Variants in IL31RA observed in about 807,000 individuals in gnomAD.
The protein encoded by IL31RA is interleukin 31 receptor A.
A neutral mutation model predicts 83.7 loss-of-function variants in IL31RA; 66 were observed. The observed-to-expected ratio is 0.79, with a 90% CI of 0.65 to 0.97. The LOEUF is 0.97. Among genes scored for constraint, IL31RA ranks in the 50% least tolerant of loss-of-function variants. The pLI is 0.00. For missense variants in IL31RA, 798 were observed against 919.4 expected (o/e 0.87, Z 1.71); for synonymous variants, 325 against 329.0 (o/e 0.99, Z 0.13).
intron 2 of IL31RA, among the ~76,000 whole-genome samples, chr5:55,864,945 T>C (rs920703072): frequency 1.3e-5 from 2 of 152,126 alleles, no homozygotes; most frequent in African/African-American, 4.8e-5. Flanking sequence ...GCACTGCCCT[T>C]ATCTCTGAGC....
chr5:55,915,800 A>G (rs1749751629), intron 14 of IL31RA, among the ~76,000 whole-genome samples: 1 of 152,202 alleles, frequency 6.6e-6, no homozygotes. Context: ...GCTCTCTGAT[A>G]ACTAACATGC....
rs755255731 is a variant in IL31RA, at chr5:55,906,248, G to A, written c.1212G>A (p.Trp404Ter). The part of the protein sequence containing the change: ...DVDSEPTTLS[W>*]ESVSQATNWT... ...ACTCAGAGCCCACCACCCTTTCCTG[G>A]GAATCTGTGTCTCAGGCCACGAACT... is the stretch of plus-strand genomic sequence containing the variant. The change falls in exon 9 of 15, where the codon TGG becomes TGA. Residue 404 changes from tryptophan (W) to a stop codon, truncating the protein, a stop_gained. Transcript: ENST00000652347. LOFTEE classifies it high-confidence loss of function. 2 of 1,614,118 alleles carry A rather than the reference G, an allele frequency of 1.2e-6. No homozygotes were observed. The highest frequency in any genetic ancestry group is 2.2e-5 in the South Asian group (2 of 91,082).
chr5:55,881,251 G>A (rs962643426), intron 4 of IL31RA, among the ~76,000 whole-genome samples: 16 of 151,482 alleles, frequency 1.1e-4, no homozygotes, highest in African/African-American at 3.6e-4. Context: ...GCAGTGAGCC[G>A]AGATCGCGCC....
chr5:55,908,707 A>G, intron 11 of IL31RA: 1 of 1,459,972 alleles, frequency 6.8e-7, no homozygotes, highest in Non-Finnish European at 9.0e-7. Flanking sequence ...CTCCCCGACC[A>G]TCATTCCCAG....
rs1267832145 is a variant in IL31RA at position 55,900,017 on chromosome 5, C to G, written c.954C>G (p.Asn318Lys). The G allele has an allele frequency of 1.2e-6, 2 of 1,613,836 alleles. No homozygotes were observed. The highest frequency in any genetic ancestry group is 2.2e-5 in the East Asian group (1 of 44,884). Residue 318 changes from asparagine to lysine, a missense_variant, in exon 8 of 15, where the codon AAC becomes AAG. By Grantham distance (94) the Asn-to-Lys change is moderately conservative (BLOSUM62 0). Transcript: ENST00000652347. ...TCACAGAAACAATGAACACTACTAACCAGCAGCTTGAACTGCATCTGGGAG... is the reference window on the plus strand; with the variant it reads ...TCACAGAAACAATGAACACTACTAAGCAGCAGCTTGAACTGCATCTGGGAG... ...TNLTETMNTT[N>K]QQLELHLGGE...
Position 55,917,099 on chromosome 5 carries a change from G to C in IL31RA, c.2274G>C (p.Glu758Asp). Reference sequence around the variant, plus strand: ...TTCTTGTGTCTGAAAAACTTCCAGAGCACACCAAGGGAGAAGTCTAAATGC... The same window carrying C: ...TTCTTGTGTCTGAAAAACTTCCAGACCACACCAAGGGAGAAGTCTAAATGC... ...REFLVSEKLP[E>D]HTKGEV The change falls in exon 15 of 15, where the codon GAG (glutamate) becomes GAC (aspartate). Residue 758 changes from glutamate to aspartate, a missense_variant. Coordinates refer to ENST00000652347, the MANE Select transcript of IL31RA (RefSeq NM_139017.7). The C allele has an allele frequency of 6.2e-7, 1 of 1,614,166 alleles. No homozygotes were observed. Among genetic ancestry groups the C allele is most frequent in the Non-Finnish European group, 8.5e-7 (1 of 1,180,032 alleles).
intron 5 of IL31RA, among the ~76,000 whole-genome samples, chr5:55,888,058 A>G (rs1455540280): frequency 6.6e-6 from 1 of 152,036 alleles, no homozygotes; most frequent in Non-Finnish European, 1.5e-5. Context: ...AAAAAAACAA[A>G]AAACCACACA....
chr5:55,900,783 G>A (rs896466055), intron 8 of IL31RA, among the ~76,000 whole-genome samples: 5 of 151,976 alleles, frequency 3.3e-5, no homozygotes, highest in Admixed American at 6.6e-5. Flanking sequence ...TTCAAACTTA[G>A]TACTATCCCT....
the IL31RA span, chr5:55,839,911 C>T: frequency 4.3e-6 from 3 of 693,724 alleles, no homozygotes; most frequent in South Asian, 3.2e-5. Context: ...TACCTTGAGC[C>T]TTATTTTGAA....
intron 6 of IL31RA, among the ~76,000 whole-genome samples, chr5:55,895,627 G>C (rs568752818): frequency 1.8e-3 from 268 of 152,268 alleles, no homozygotes; most frequent in Middle Eastern, 3.4e-3. Flanking sequence ...CTGTGCTTTT[G>C]CTCTATTGGG....
In IL31RA at chr5:55,916,926, C is replaced by T. The variant is rs763422731; in HGVS notation, c.2101C>T (p.Gln701Ter). The T allele has an allele frequency of 2.5e-6, 4 of 1,614,016 alleles. No homozygotes were observed. The highest frequency in any genetic ancestry group is 3.4e-6 in the Non-Finnish European group (4 of 1,179,930). Residue 701 changes from glutamine to a stop codon, truncating the protein, a stop_gained, in exon 15 of 15, where the codon CAA becomes TAA. Transcript: ENST00000652347. LOFTEE classifies it low-confidence loss of function (END_TRUNC). The part of the protein sequence containing the change: ...VSPEIPPRKS[Q>*]YLRSRMPEGT... Reference sequence around the variant, plus strand: ...ACCTGAGATTCCGCCCAGAAAATCCCAATACCTACGTTCGAGGATGCCAGA... The same window carrying T: ...ACCTGAGATTCCGCCCAGAAAATCCTAATACCTACGTTCGAGGATGCCAGA...
chr5:55,852,484 A>G (rs894838222), intron 1 of IL31RA, among the ~76,000 whole-genome samples: 22 of 151,972 alleles, frequency 1.4e-4, no homozygotes, highest in Non-Finnish European at 2.9e-4. Flanking sequence ...AATTTTAAAT[A>G]TCTCATAATT....
At chr5:55,847,788 A>G (rs571662463), upstream of IL31RA, among the ~76,000 whole-genome samples, 74 of 152,282 alleles carry the variant, frequency 4.9e-4, no homozygotes, top group Non-Finnish European at 9.0e-4. Context: ...CCAGGATCCA[A>G]TGCAAGCTAC....
At chr5:55,847,242 TAAAAATAAATAAATAAATAAATA>T (rs1744951733), upstream of IL31RA, among the ~76,000 whole-genome samples, 27 of 115,096 alleles carry the variant, frequency 2.3e-4, 1 homozygote, top group Admixed American at 8.9e-4. Flanking sequence ...AAAAAAAAAA[TAAAAATAAATAAATAAATAAATA>T]AATAAATAAA....
chr5:55,850,959 G>A (rs115832760), upstream of IL31RA, among the ~76,000 whole-genome samples: 14 of 152,086 alleles, frequency 9.2e-5, no homozygotes, highest in Admixed American at 2.6e-4. Context: ...GCTTGGTGGC[G>A]CATGCCTGTA....
chr5:55,875,026 C>A (rs1746750136), intron 4 of IL31RA, among the ~76,000 whole-genome samples: 1 of 152,130 alleles, frequency 6.6e-6, no homozygotes, highest in Non-Finnish European at 1.5e-5. Context: ...ATACCCATTG[C>A]ACATTGAGAA....
At chr5:55,893,392 C>T (rs993282328) in intron 6 of IL31RA, among the ~76,000 whole-genome samples, 1 of 152,230 alleles carries the variant, frequency 6.6e-6, no homozygotes, top group South Asian at 2.1e-4. Context: ...GGCACCTGCA[C>T]ATGTCTAACT....
rs114054261 is a variant in IL31RA at position 55,900,634 on chromosome 5, T to A, written c.1069+502T>A. On this transcript the variant is annotated intron_variant, in intron 8 of 14. Coordinates refer to ENST00000652347, the MANE Select transcript of IL31RA (RefSeq NM_139017.7). ...GTGTTTATACTTGCCAATAAATTGT[T>A]CATTACACTTTTGGTTAAGTAGTTT... 7.7e-3 allele frequency among the ~76,000 whole-genome samples: 1,169 copies of A among 152,344 alleles called. 9 individuals carry two copies. The highest frequency in any genetic ancestry group is 0.012 in the Non-Finnish European group (817 of 68,038).
At chr5:55,912,654 G>A (rs1373856773) in intron 12 of IL31RA, among the ~76,000 whole-genome samples, 5 of 152,106 alleles carry the variant, frequency 3.3e-5, no homozygotes, top group African/African-American at 7.2e-5. Flanking sequence ...AAAATTAGCC[G>A]GGCTTGGTGG....
Sources: gnomAD v4.1 joint callset for allele counts (sites outside exome capture counted in the v4.1 genomes callset) on GRCh38, gnomAD v4.1.1 for gene constraint, MANE v1.5 for transcripts, NCBI Gene and HGNC (gene_info 2026-07-23, HGNC 2026-07-21) for gene names.